C2orf66: variants seen among roughly 807,000 people sequenced by gnomAD.
The protein encoded by C2orf66 is chromosome 2 open reading frame 66.
In C2orf66, 6 loss-of-function variants were observed where a neutral mutation model predicts 7.0. That is an observed-to-expected ratio of 0.86 (90% CI 0.47 to 1.69). C2orf66 has a LOEUF of 1.69. Among genes scored for constraint, C2orf66 ranks in the 40% most tolerant of loss-of-function variants. The probability of loss-of-function intolerance (pLI) is 0.01; values close to 1 mark genes in which losing one functional copy is unlikely to be tolerated. For synonymous variants in C2orf66, 38 were observed against 43.8 expected (o/e 0.87, Z 0.52); for missense variants, 107 against 112.0 (o/e 0.96, Z 0.20).
At chr2:196,825,896 A>G in the C2orf66 span, among the ~76,000 whole-genome samples, 1 of 152,196 alleles carries the variant, frequency 6.6e-6, no homozygotes, top group Non-Finnish European at 1.5e-5. Context: ...AGGGCCCCTA[A>G]TTTGTACATG....
chr2:196,809,554 A>G, upstream of C2orf66: 1 of 551,848 alleles, frequency 1.8e-6, no homozygotes, highest in Non-Finnish European at 3.2e-6. Context: ...AAAGTAGCCC[A>G]TGATAATGAG....
the C2orf66 span, among the ~76,000 whole-genome samples, chr2:196,828,201 G>A: frequency 3.6e-5 from 5 of 140,594 alleles, no homozygotes; most frequent in Admixed American, 1.5e-4. Flanking sequence ...ATTTCTAGAC[G>A]AATCAAAATC....
chr2:196,809,488 A>G, upstream of C2orf66: 1 of 1,116,332 alleles, frequency 9.0e-7, no homozygotes. Context: ...TTTTACAGCC[A>G]TCTTTTTTCC....
At chr2:196,826,892 G>A in the C2orf66 span, among the ~76,000 whole-genome samples, 15 of 152,034 alleles carry the variant, frequency 9.9e-5, no homozygotes, top group Middle Eastern at 0.024. Context: ...ATTAGCTGGC[G>A]TGGTGGCGGG....
At chr2:196,829,446 G>C in the C2orf66 span, among the ~76,000 whole-genome samples, 1 of 151,910 alleles carries the variant, frequency 6.6e-6, no homozygotes, top group African/African-American at 2.4e-5. Flanking sequence ...AAAAATAACC[G>C]GGCATGGTGG....
At chr2:196,813,111 C>T (rs974562946), upstream of C2orf66, among the ~76,000 whole-genome samples, 12 of 152,028 alleles carry the variant, frequency 7.9e-5, no homozygotes, top group East Asian at 1.9e-4. Context: ...AAAAAAGAGC[C>T]CACATAGCCA....
chr2:196,816,569 G>A, the C2orf66 span, among the ~76,000 whole-genome samples: 4 of 152,152 alleles, frequency 2.6e-5, no homozygotes, highest in Non-Finnish European at 5.9e-5. Flanking sequence ...GGAGGGCAAG[G>A]GTTGAAAAAC....
At chr2:196,817,932 T>C in the C2orf66 span, among the ~76,000 whole-genome samples, 1 of 152,204 alleles carries the variant, frequency 6.6e-6, no homozygotes, top group African/African-American at 2.4e-5. Flanking sequence ...TCTGTTCTTT[T>C]TCAAGGTGCA....
the C2orf66 span, among the ~76,000 whole-genome samples, chr2:196,823,018 TAAA>T: frequency 7.3e-6 from 1 of 137,842 alleles, no homozygotes. Flanking sequence ...AACTTCTTGT[TAAA>T]AAAAAAAAAA....
At position 196,809,282 on chromosome 2, in the gene C2orf66, C is replaced by T. The variant is rs1576049289; in HGVS notation, c.55G>A (p.Val19Met). The T allele has an allele frequency of 6.2e-7, 1 of 1,614,114 alleles. No individual in the cohort carries two copies. The highest frequency in any genetic ancestry group is 8.5e-7 in the Non-Finnish European group (1 of 1,180,006). Residue 19 changes from valine to methionine, a missense_variant, in exon 1 of 3, where the codon GTG (valine) becomes ATG (methionine). By Grantham distance (21) the Val-to-Met change is conservative (BLOSUM62 1). Coordinates refer to ENST00000342506, the MANE Select transcript of C2orf66 (RefSeq NM_213608.3). ...LCVALVLLGH[V>M]NGATVRNEDK... ...TCATTTCTTACTGTGGCTCCATTCA[C>T]ATGCCCAAGCAGCACCAGGGCAACA...
the C2orf66 span, among the ~76,000 whole-genome samples, chr2:196,816,562 G>A: frequency 6.6e-6 from 1 of 152,136 alleles, no homozygotes; most frequent in South Asian, 2.1e-4. Context: ...AGAGGGAGGA[G>A]GGCAAGGGTT....
the C2orf66 span, among the ~76,000 whole-genome samples, chr2:196,818,424 C>T: frequency 1.1e-3 from 164 of 152,330 alleles, no homozygotes; most frequent in East Asian, 0.019. Flanking sequence ...GGGCAGCAGC[C>T]TCCCTGTCTC....
At chr2:196,827,086 AAGG>A in the C2orf66 span, among the ~76,000 whole-genome samples, 5 of 151,382 alleles carry the variant, frequency 3.3e-5, no homozygotes, top group African/African-American at 1.2e-4. Context: ...CTGGGCAACA[AAGG>A]AGGACCCTTT....
chr2:196,814,622 C>CA, the C2orf66 span, among the ~76,000 whole-genome samples: 1 of 152,072 alleles, frequency 6.6e-6, no homozygotes, highest in African/African-American at 2.4e-5. Context: ...TAAAAAGTCA[C>CA]AACACTATAA....
the C2orf66 span, among the ~76,000 whole-genome samples, chr2:196,822,018 G>A: frequency 1.6e-5 from 2 of 127,164 alleles, no homozygotes; most frequent in Non-Finnish European, 1.6e-5. Flanking sequence ...GGATCCAAGC[G>A]ATTCTCCTGC....
chr2:196,807,754 G>C (rs1443455128), intron 1 of C2orf66, 132 bp from the exon 2 acceptor site: 1 of 711,428 alleles, frequency 1.4e-6, no homozygotes, highest in East Asian at 2.7e-5. Context: ...ACAAAATCTA[G>C]AAATACAAGT....
chr2:196,806,229 G>A (rs1293253426), intron 2 of C2orf66, among the ~76,000 whole-genome samples: 4 of 151,890 alleles, frequency 2.6e-5, no homozygotes, highest in Admixed American at 1.3e-4. Flanking sequence ...ATGGAGTCTC[G>A]CTCTGTCACC....
the C2orf66 span, among the ~76,000 whole-genome samples, chr2:196,828,952 C>T: frequency 6.6e-6 from 1 of 152,178 alleles, no homozygotes; most frequent in Non-Finnish European, 1.5e-5. Flanking sequence ...AACAAACACA[C>T]TAGGGCTATG....
intron 2 of C2orf66, 113 bp downstream of exon 2, chr2:196,807,311 A>G (rs1699828913): frequency 3.1e-6 from 2 of 650,620 alleles, no homozygotes; most frequent in South Asian, 4.2e-5. Flanking sequence ...AGAACTGAGC[A>G]TTTATTTCTA....
Sources: allele counts gnomAD v4.1 joint callset (sites outside exome capture counted in the v4.1 genomes callset), GRCh38; gene constraint gnomAD v4.1.1; transcripts MANE v1.5; gene names NCBI Gene and HGNC (gene_info 2026-07-23, HGNC 2026-07-21).